The following NDRG1 variants were observed in gnomAD, a reference collection of about 807,000 sequenced individuals.
The protein encoded by NDRG1 is N-myc downstream regulated 1.
In NDRG1, 32 loss-of-function variants were observed where a neutral mutation model predicts 56.9. That is an observed-to-expected ratio of 0.56 (90% CI 0.42 to 0.76). The LOEUF (loss-of-function observed/expected upper bound fraction) is 0.76. Ranked by LOEUF, NDRG1 falls within the 30% of genes least tolerant of loss-of-function variation. The pLI is 0.00. For missense variants in NDRG1, 507 were observed against 545.7 expected (o/e 0.93, Z 0.71); for synonymous variants, 211 against 204.1 (o/e 1.03, Z -0.29).
At chr8:133,265,356 G>A (rs141512218) in intron 3 of NDRG1, among the ~76,000 whole-genome samples, 56 of 152,290 alleles carry the variant, frequency 3.7e-4, no homozygotes, top group African/African-American at 9.6e-4. Flanking sequence ...CATTGTCACC[G>A]TGAGGCAAGG....
At chr8:133,294,897 G>A (rs995239835) in intron 1 of NDRG1, among the ~76,000 whole-genome samples, 2 of 152,124 alleles carry the variant, frequency 1.3e-5, no homozygotes, top group Non-Finnish European at 2.9e-5. Flanking sequence ...ATCCTGCCAG[G>A]AACCCTTTCC....
At chr8:133,255,040 G>A in intron 8 of NDRG1, 1 of 331,600 alleles carries the variant, frequency 3.0e-6, no homozygotes. Flanking sequence ...CCCTTTCTAA[G>A]TATACTGATA....
chr8:133,277,054 G>A (rs573974689), intron 3 of NDRG1, among the ~76,000 whole-genome samples: 9 of 152,348 alleles, frequency 5.9e-5, no homozygotes, highest in South Asian at 2.1e-4. Flanking sequence ...CTGAGGACAC[G>A]ATGCTAACTT....
intron 10 of NDRG1, 118 bp from the exon 11 acceptor site, chr8:133,248,889 C>T (rs761550185): frequency 2.7e-6 from 3 of 1,114,384 alleles, no homozygotes; most frequent in Admixed American, 1.9e-5. Flanking sequence ...CTACCCACAT[C>T]CCCAACTTGA....
intron 1 of NDRG1, among the ~76,000 whole-genome samples, chr8:133,294,316 G>A (rs545553717): frequency 1.5e-4 from 23 of 152,286 alleles, no homozygotes; most frequent in South Asian, 8.3e-4. Flanking sequence ...GGAGCAATAC[G>A]ATCCAGGCAA....
chr8:133,247,828 T>A lies in NDRG1; in HGVS notation c.807+47A>T, dbSNP rs199568353. On this transcript the variant is annotated intron_variant, in intron 12 of 15. Transcript: ENST00000323851. ...GCCACTTCAACAAAGTCAACCAGAC[T>A]TTGCCTGTTGAATTAAACACAGAAA... 15 of 1,603,152 alleles carry A rather than the reference T, an allele frequency of 9.4e-6. No homozygotes were observed. The African/African-American group carries it at 1.5e-4, about 16-fold the overall frequency.
intron 7 of NDRG1, 89 bp downstream of exon 7, chr8:133,258,277 C>CT: frequency 7.3e-7 from 1 of 1,362,036 alleles, no homozygotes; most frequent in Middle Eastern, 1.8e-4. Flanking sequence ...TTCTTTTTCC[C>CT]TTTTGGGTTT....
chr8:133,264,712 GAAGA>G, intron 3 of NDRG1, 60 bp from the exon 4 acceptor site: 10 of 1,400,672 alleles, frequency 7.1e-6, no homozygotes, highest in Non-Finnish European at 1.0e-5. Context: ...CCGCGTGGCT[GAAGA>G]CAGCCAGCCT....
Position 133,239,133 on chromosome 8 carries a change from A to G in NDRG1, c.944-14T>C. On this transcript the variant is annotated splice_polypyrimidine_tract_variant and intron_variant, in intron 15 of 15. Coordinates refer to ENST00000323851, the MANE Select transcript of NDRG1 (RefSeq NM_006096.4). ...TAGCCGAGGGCACTAGGGGAACAAG[A>G]GACAGCCGGTTAGAGGGCAGGAGAC... is the stretch of plus-strand genomic sequence containing the variant. 6.4e-7 allele frequency: 1 copy of G among 1,552,230 alleles called. No homozygotes were observed. Among genetic ancestry groups the G allele is most frequent in the Non-Finnish European group, 8.7e-7 (1 of 1,147,540 alleles).
chr8:133,283,216 G>T (rs1857914559), intron 2 of NDRG1, among the ~76,000 whole-genome samples: 1 of 152,196 alleles, frequency 6.6e-6, no homozygotes, highest in South Asian at 2.1e-4. Context: ...CAGAACCTGG[G>T]ACCTGCATGA....
At chr8:133,274,976 C>T (rs747446481) in intron 3 of NDRG1, among the ~76,000 whole-genome samples, 1 of 152,220 alleles carries the variant, frequency 6.6e-6, no homozygotes, top group Non-Finnish European at 1.5e-5. Context: ...GCATGGCAGA[C>T]AGGTGCTGTC....
chr8:133,272,755 C>T (rs1274393852), intron 3 of NDRG1, among the ~76,000 whole-genome samples: 1 of 152,026 alleles, frequency 6.6e-6, no homozygotes, highest in Non-Finnish European at 1.5e-5. Context: ...TAAGGGTTTG[C>T]TCTAAGTCCC....
rs761020374 is a variant in NDRG1, at chr8:133,263,288, C to T, written c.206-1121G>A. Among the ~76,000 whole-genome samples the T allele has an allele frequency of 1.9e-4, 29 of 152,268 alleles. No homozygotes were observed. In the South Asian group the frequency reaches 5.8e-3, roughly 31 times the overall value. The stretch of plus-strand genomic sequence containing the variant: ...TCAGTGGATTTCAGTGACACCATCC[C>T]CAGCCTCAAGGTATTAATAAGGTAT... On this transcript the variant is annotated intron_variant, in intron 4 of 15. Coordinates refer to ENST00000323851, the MANE Select transcript of NDRG1 (RefSeq NM_006096.4).
At chr8:133,244,502 C>A in intron 13 of NDRG1, 112 bp from the exon 14 acceptor site, 2 of 1,270,248 alleles carry the variant, frequency 1.6e-6, no homozygotes, top group Admixed American at 3.9e-5. Context: ...CCTGCCTTGT[C>A]CTGCCTTACA....
At chr8:133,287,273 A>G (rs1858173687) in intron 1 of NDRG1, among the ~76,000 whole-genome samples, 1 of 152,104 alleles carries the variant, frequency 6.6e-6, no homozygotes, top group South Asian at 2.1e-4. Flanking sequence ...GCTCCCTACA[A>G]TCTGCCCACT....
Position 133,238,469 on chromosome 8 carries a change from A to G in NDRG1, c.*409T>C. The G allele has an allele frequency of 3.6e-6, 1 of 274,104 alleles. No individual in the cohort carries two copies. Among genetic ancestry groups the G allele is most frequent in the Non-Finnish European group, 6.9e-6 (1 of 144,576 alleles). 17.0% of individuals were successfully genotyped at this position (274,104 alleles called of 1,614,324 possible). A position where few individuals can be genotyped will look rare whatever the true frequency, so the allele number is the denominator to read the frequency against. On this transcript the variant is annotated 3_prime_UTR_variant, in exon 16 of 16. Coordinates refer to ENST00000323851, the MANE Select transcript of NDRG1 (RefSeq NM_006096.4). ...TGGATCAGCTTCTCCTCAGTTAAAG[A>G]GGAAACGGGAAGTGGGCGGCTGGCC... is the stretch of plus-strand genomic sequence containing the variant.
intron 13 of NDRG1, among the ~76,000 whole-genome samples, chr8:133,246,258 C>A (rs1416607197): frequency 6.6e-6 from 1 of 152,236 alleles, no homozygotes; most frequent in African/African-American, 2.4e-5. Flanking sequence ...TCCTGACCTT[C>A]CCCGGCTGTG....
rs1856057832 is a variant in NDRG1 at position 133,251,717 on chromosome 8, C to T, written c.595-1174G>A. 3.9e-5 allele frequency among the ~76,000 whole-genome samples: 6 copies of T among 152,068 alleles called. No homozygotes were observed. The South Asian group carries it at 1.2e-3, about 32-fold the overall frequency. ...CTCTAGTGGGCTAAACTGTGGCCCT[C>T]AAAAGATATGTCCATGTCAAATCTC... On this transcript the variant is annotated intron_variant, in intron 9 of 15. Transcript: ENST00000323851.
At chr8:133,249,361 AAGC>A in intron 10 of NDRG1, 1 of 161,848 alleles carries the variant, frequency 6.2e-6, no homozygotes, top group Non-Finnish European at 1.4e-5. Flanking sequence ...CCAACATGAG[AAGC>A]TCTTTCCCAG....
Sources: allele counts gnomAD v4.1 joint callset (sites outside exome capture counted in the v4.1 genomes callset), GRCh38; gene constraint gnomAD v4.1.1; transcripts MANE v1.5; gene names NCBI Gene and HGNC (gene_info 2026-07-23, HGNC 2026-07-21).